TRPS1: variants seen among roughly 807,000 people sequenced by gnomAD.
The protein encoded by TRPS1 is transcriptional repressor GATA binding 1, also known as zinc finger transcription factor Trps1.
A neutral mutation model predicts 101.2 loss-of-function variants in TRPS1; 6 were observed. The observed-to-expected ratio is 0.06, with a 90% CI of 0.03 to 0.12. The LOEUF (loss-of-function observed/expected upper bound fraction) is 0.12, where lower values mean the gene tolerates loss of function less well. Ranked by LOEUF, TRPS1 falls within the 10% of genes least tolerant of loss-of-function variation. The pLI, the probability that TRPS1 is intolerant of heterozygous loss-of-function variation, is 1.00. For synonymous variants in TRPS1, 578 were observed against 589.8 expected (o/e 0.98, Z 0.29); for missense variants, 1,363 against 1,567.0 (o/e 0.87, Z 2.20).
chr8:115,475,957 A>G (rs967730329), intron 5 of TRPS1, among the ~76,000 whole-genome samples: 1 of 152,170 alleles, frequency 6.6e-6, no homozygotes, highest in Non-Finnish European at 1.5e-5. Context: ...TAAATTATCA[A>G]ATATACAACA....
intron 5 of TRPS1, among the ~76,000 whole-genome samples, chr8:115,559,841 G>A (rs1303504268): frequency 6.6e-6 from 1 of 151,986 alleles, no homozygotes; most frequent in African/African-American, 2.4e-5. Context: ...TCATCAAGTT[G>A]TTGACTTCAA....
intron 1 of TRPS1, among the ~76,000 whole-genome samples, chr8:115,635,690 G>C (rs1401908646): frequency 6.6e-6 from 1 of 152,292 alleles, no homozygotes; most frequent in East Asian, 1.9e-4. Flanking sequence ...CAGGTGAAAA[G>C]AGAGGATTGA....
At chr8:115,655,202 C>T (rs928981327) in intron 1 of TRPS1, among the ~76,000 whole-genome samples, 1 of 152,016 alleles carries the variant, frequency 6.6e-6, no homozygotes, top group Non-Finnish European at 1.5e-5. Flanking sequence ...CTTTGATATA[C>T]CTGAAGTAAA....
intron 5 of TRPS1, among the ~76,000 whole-genome samples, chr8:115,562,470 A>C (rs150981640): frequency 1.3e-5 from 2 of 152,066 alleles, no homozygotes; most frequent in African/African-American, 4.8e-5. Flanking sequence ...TTTCCAAAAT[A>C]ATCCAAAACT....
At chr8:115,654,669 A>G (rs1420527439) in intron 1 of TRPS1, among the ~76,000 whole-genome samples, 9 of 152,206 alleles carry the variant, frequency 5.9e-5, no homozygotes, top group African/African-American at 2.2e-4. Flanking sequence ...GCTTCTTATT[A>G]GTGACCATTT....
intron 5 of TRPS1, among the ~76,000 whole-genome samples, chr8:115,435,939 T>C (rs1017464779): frequency 1.3e-5 from 2 of 151,744 alleles, no homozygotes; most frequent in African/African-American, 4.8e-5. Context: ...AGCAGACATG[T>C]CTCGATACTA....
chr8:115,515,376 C>A, intron 5 of TRPS1: 1 of 629,828 alleles, frequency 1.6e-6, no homozygotes, highest in Non-Finnish European at 2.9e-6. Context: ...ATTACCCAAA[C>A]CTGTGCATTT....
intron 5 of TRPS1, among the ~76,000 whole-genome samples, chr8:115,568,079 GA>G (rs1404300032): frequency 3.9e-5 from 6 of 152,028 alleles, no homozygotes; most frequent in Non-Finnish European, 7.4e-5. Context: ...GATTAACTGA[GA>G]TGATGACTGT....
At chr8:115,512,357 CA>C in intron 5 of TRPS1, among the ~76,000 whole-genome samples, 1 of 151,592 alleles carries the variant, frequency 6.6e-6, no homozygotes, top group Non-Finnish European at 1.5e-5. Context: ...ACTATAAATT[CA>C]AAGCTTGGCC....
At position 115,642,849 on chromosome 8, in the gene TRPS1, A is replaced by AT. The variant is rs1554602863; in HGVS notation, c.-121-19092_-121-19091insA. 4.2e-3 allele frequency among the ~76,000 whole-genome samples: 615 copies of AT among 146,024 alleles called. 11 individuals carry two copies. The highest frequency in any genetic ancestry group is 6.1e-3 in the African/African-American group (244 of 40,138). On this transcript the variant is annotated intron_variant, in intron 1 of 6. Transcript: ENST00000395715. ...AAAGCATGCTTACTTCGTGAAAAAA[A>AT]ATATATATATATATAAATATATATA...
chr8:115,570,415 C>T (rs761534760), intron 5 of TRPS1, among the ~76,000 whole-genome samples: 1 of 151,928 alleles, frequency 6.6e-6, no homozygotes, highest in Non-Finnish European at 1.5e-5. Context: ...TTAAAAAATG[C>T]ATATTTCCTC....
At chr8:115,432,007 A>C (rs1287597800) in intron 5 of TRPS1, among the ~76,000 whole-genome samples, 1 of 151,798 alleles carries the variant, frequency 6.6e-6, no homozygotes, top group Non-Finnish European at 1.5e-5. Context: ...TATATTCCTT[A>C]GCTTTTCAAA....
At chr8:115,519,804 T>G (rs1415382809) in intron 5 of TRPS1, among the ~76,000 whole-genome samples, 4 of 151,794 alleles carry the variant, frequency 2.6e-5, no homozygotes, top group African/African-American at 9.6e-5. Flanking sequence ...CAGAGTGAAG[T>G]TCTATGACAG....
At chr8:115,572,525 G>A (rs1054049220) in intron 5 of TRPS1, among the ~76,000 whole-genome samples, 10 of 151,440 alleles carry the variant, frequency 6.6e-5, no homozygotes, top group Non-Finnish European at 1.3e-4. Flanking sequence ...TGCTGTAATC[G>A]GTTTATTGAA....
chr8:115,502,421 T>C (rs1815340580), intron 5 of TRPS1, among the ~76,000 whole-genome samples: 2 of 152,160 alleles, frequency 1.3e-5, no homozygotes, highest in African/African-American at 4.8e-5. Context: ...ATTTCTTTGA[T>C]GCAGGATCCA....
chr8:115,417,558 TA>T lies in TRPS1; in HGVS notation c.2823+771del, dbSNP rs780193395. ...TTGTCAGCAGATGAACTTGCTAAAC[TA>T]AAAAAAAAAATCCTTCAGTAAGTCA... On this transcript the variant is annotated intron_variant, in intron 6 of 6. Coordinates refer to ENST00000395715, the MANE Select transcript of TRPS1 (RefSeq NM_014112.5). 3.8e-3 allele frequency among the ~76,000 whole-genome samples: 560 copies of T among 146,768 alleles called. 3 individuals carry two copies. Among genetic ancestry groups the T allele is most frequent in the African/African-American group, 0.011 (461 of 40,434 alleles).
chr8:115,580,253 T>A (rs940286561), intron 5 of TRPS1, among the ~76,000 whole-genome samples: 9 of 147,778 alleles, frequency 6.1e-5, no homozygotes, highest in African/African-American at 2.2e-4. Flanking sequence ...AAAATATATA[T>A]ATATATATAT....
At chr8:115,539,035 A>C (rs1171119561) in intron 5 of TRPS1, among the ~76,000 whole-genome samples, 2 of 152,240 alleles carry the variant, frequency 1.3e-5, no homozygotes, top group Admixed American at 6.5e-5. Flanking sequence ...TAAAAATGTC[A>C]CATCATGTTA....
At chr8:115,464,691 T>C (rs1430243083) in intron 5 of TRPS1, among the ~76,000 whole-genome samples, 1 of 152,120 alleles carries the variant, frequency 6.6e-6, no homozygotes, top group Admixed American at 6.6e-5. Flanking sequence ...TACTGGAAAA[T>C]GCCTTACAGC....
Sources: gnomAD v4.1 joint callset for allele counts (sites outside exome capture counted in the v4.1 genomes callset) on GRCh38, gnomAD v4.1.1 for gene constraint, MANE v1.5 for transcripts, NCBI Gene and HGNC (gene_info 2026-07-23, HGNC 2026-07-21) for gene names.